The following TECRL variants were observed in gnomAD, a reference collection of about 807,000 sequenced individuals.
TECRL encodes the protein trans-2,3-enoyl-CoA reductase like.
Under a neutral mutation model 52.8 loss-of-function variants are expected in TECRL, and 63 were observed. The observed-to-expected ratio is 1.19, with a 90% CI of 0.97 to 1.47. TECRL has a LOEUF of 1.47. Among genes scored for constraint, TECRL ranks in the 40% most tolerant of loss-of-function variants. TECRL has a pLI of 0.00. For synonymous variants in TECRL, 164 were observed against 141.9 expected, an observed-to-expected ratio of 1.16 and a Z score of -1.10; for missense variants, 482 against 429.6, an observed-to-expected ratio of 1.12 and a Z score of -1.08.
At chr4:64,351,845 A>G (rs1022835563) in intron 2 of TECRL, among the ~76,000 whole-genome samples, 3 of 152,188 alleles carry the variant, frequency 2.0e-5, no homozygotes, top group African/African-American at 7.2e-5. Context: ...TACACTTTAT[A>G]AATTAGTCTA....
intron 5 of TECRL, among the ~76,000 whole-genome samples, chr4:64,312,053 C>A (rs1016347985): frequency 5.3e-5 from 8 of 152,078 alleles, no homozygotes; most frequent in African/African-American, 1.9e-4. Flanking sequence ...GGGAGATGTA[C>A]CTTTAGTCCC....
At chr4:64,379,130 G>A (rs1017007982) in intron 1 of TECRL, among the ~76,000 whole-genome samples, 1 of 151,696 alleles carries the variant, frequency 6.6e-6, no homozygotes, top group African/African-American at 2.4e-5. Flanking sequence ...GTTTTTATCT[G>A]AATAATGCTC....
rs151035468 is a variant in TECRL at position 64,359,723 on chromosome 4, C to A, written c.286+15449G>T. 1.2e-4 allele frequency among the ~76,000 whole-genome samples: 18 copies of A among 152,128 alleles called. No individual in the cohort carries two copies. The East Asian group carries it at 3.5e-3, about 29-fold the overall frequency. On this transcript the variant is annotated intron_variant, in intron 2 of 11. Transcript: ENST00000381210. ...ACATGAACCTTGACTGGCAAAATGG[C>A]TCTCCCTTAATAAGAGTTTGATCTC...
chr4:64,293,982 A>AT (rs1723537425), intron 8 of TECRL, among the ~76,000 whole-genome samples: 1 of 139,156 alleles, frequency 7.2e-6, no homozygotes, highest in African/African-American at 2.7e-5. Flanking sequence ...ATATATATAA[A>AT]ATATATATAT....
chr4:64,394,910 T>TG (rs1723823700), intron 1 of TECRL, among the ~76,000 whole-genome samples: 1 of 139,782 alleles, frequency 7.2e-6, no homozygotes, highest in South Asian at 2.3e-4. Flanking sequence ...AACAAGCATT[T>TG]TTTTTTTTTT....
intron 2 of TECRL, among the ~76,000 whole-genome samples, chr4:64,357,317 A>C (rs1720840207): frequency 6.6e-6 from 1 of 151,684 alleles, no homozygotes; most frequent in Non-Finnish European, 1.5e-5. Flanking sequence ...AAATATTTGG[A>C]CTATAATACT....
chr4:64,306,758 A>G (rs1456789936), intron 6 of TECRL, among the ~76,000 whole-genome samples: 1 of 152,178 alleles, frequency 6.6e-6, no homozygotes, highest in Non-Finnish European at 1.5e-5. Context: ...TCTTATTTCC[A>G]TGAGAGAAGT....
At chr4:64,370,018 T>C (rs1484290798) in intron 2 of TECRL, among the ~76,000 whole-genome samples, 1 of 151,682 alleles carries the variant, frequency 6.6e-6, no homozygotes, top group African/African-American at 2.4e-5. Flanking sequence ...CATATATATC[T>C]TGATAATTAA....
intron 9 of TECRL, 33 bp from the exon 10 acceptor site, chr4:64,281,592 C>A (rs1389986559): frequency 2.6e-6 from 3 of 1,171,974 alleles, no homozygotes; most frequent in African/African-American, 3.1e-5. Flanking sequence ...GTCAATGATG[C>A]TACACATTGC....
In TECRL at chr4:64,371,480, G is replaced by A. The variant is rs578154411; in HGVS notation, c.286+3692C>T. On this transcript the variant is annotated intron_variant, in intron 2 of 11. Coordinates refer to ENST00000381210, the MANE Select transcript of TECRL (RefSeq NM_001010874.5). ...CATACAGTGGTATTTCCGAATCTCT[G>A]TTAGAGATTTCCTGGCTTACAATAA... Among the ~76,000 whole-genome samples, 6 of 151,578 alleles carry A rather than the reference G, an allele frequency of 4.0e-5. No homozygotes were observed. In the South Asian group the frequency reaches 1.0e-3, roughly 26 times the overall value.
chr4:64,343,955 A>C lies in TECRL; in HGVS notation c.287-15399T>G, dbSNP rs78399688. On this transcript the variant is annotated intron_variant, in intron 2 of 11. Coordinates refer to ENST00000381210, the MANE Select transcript of TECRL (RefSeq NM_001010874.5). ...TTTAAAAAAATACCAGAAAACATAA[A>C]ATTTTAAAAAAAATAAATATTAATA... Among the ~76,000 whole-genome samples, 732 of 152,100 alleles carry C rather than the reference A, an allele frequency of 4.8e-3. 10 individuals are homozygous for C. The highest frequency in any genetic ancestry group is 0.017 in the African/African-American group (703 of 41,520).
chr4:64,346,364 T>C (rs971320665), intron 2 of TECRL, among the ~76,000 whole-genome samples: 1 of 152,346 alleles, frequency 6.6e-6, no homozygotes, highest in African/African-American at 2.4e-5. Context: ...TGCACTATTC[T>C]AGAAGAGGTT....
chr4:64,363,928 A>G (rs1389571245), intron 2 of TECRL, among the ~76,000 whole-genome samples: 4 of 152,154 alleles, frequency 2.6e-5, no homozygotes, highest in Non-Finnish European at 4.4e-5. Flanking sequence ...AACCTAACAG[A>G]TATCTACATA....
intron 2 of TECRL, among the ~76,000 whole-genome samples, chr4:64,371,750 T>G (rs2109661847): frequency 6.6e-6 from 1 of 151,910 alleles, no homozygotes; most frequent in Middle Eastern, 3.4e-3. Context: ...TTATTGAAGT[T>G]CGTTTCTACT....
chr4:64,294,371 A>G (rs2109959528), intron 8 of TECRL, among the ~76,000 whole-genome samples: 1 of 152,264 alleles, frequency 6.6e-6, no homozygotes, highest in Middle Eastern at 3.4e-3. Flanking sequence ...AGACATTGCT[A>G]AAATGTTCCT....
intron 1 of TECRL, among the ~76,000 whole-genome samples, chr4:64,375,674 C>T (rs982087957): frequency 2.0e-5 from 3 of 151,742 alleles, no homozygotes; most frequent in Admixed American, 6.6e-5. Flanking sequence ...ACAAAAGTCA[C>T]CTTAAGTCCC....
chr4:64,351,316 C>G (rs1720373968), intron 2 of TECRL, among the ~76,000 whole-genome samples: 1 of 151,372 alleles, frequency 6.6e-6, no homozygotes, highest in South Asian at 2.1e-4. Flanking sequence ...CAGAGTCTCA[C>G]TTTGTCACTG....
intron 1 of TECRL, among the ~76,000 whole-genome samples, chr4:64,382,973 T>C (rs1436022375): frequency 6.6e-6 from 1 of 152,178 alleles, no homozygotes; most frequent in Non-Finnish European, 1.5e-5. Flanking sequence ...AGGATCAGTC[T>C]TGTGGTAATG....
chr4:64,321,364 A>G (rs1717889031), intron 4 of TECRL, among the ~76,000 whole-genome samples: 1 of 152,104 alleles, frequency 6.6e-6, no homozygotes, highest in African/African-American at 2.4e-5. Flanking sequence ...TCAAATCACT[A>G]TGAATGGTAA....
Sources: gnomAD v4.1 joint callset for allele counts (sites outside exome capture counted in the v4.1 genomes callset) on GRCh38, gnomAD v4.1.1 for gene constraint, MANE v1.5 for transcripts, NCBI Gene and HGNC (gene_info 2026-07-23, HGNC 2026-07-21) for gene names.